The following PDE4D variants were observed in gnomAD, a reference collection of about 807,000 sequenced individuals.
The protein encoded by PDE4D is 3',5'-cyclic-AMP phosphodiesterase 4D.
A neutral mutation model predicts 87.4 loss-of-function variants in PDE4D; 24 were observed. The ratio of observed to expected loss-of-function variants is 0.27; its 90% CI spans 0.20 to 0.39. PDE4D has a LOEUF of 0.39. Ranked by LOEUF, PDE4D falls within the 10% of genes least tolerant of loss-of-function variation. The pLI, the probability that PDE4D is intolerant of heterozygous loss-of-function variation, is 1.00. For synonymous variants in PDE4D, 384 were observed against 383.2 expected (o/e 1.00, Z -0.02); for missense variants, 714 against 1,041.0 (o/e 0.69, Z 4.32).
chr5:60,503,572 A>G (rs949257703), intron 1 of PDE4D, among the ~76,000 whole-genome samples: 2 of 152,162 alleles, frequency 1.3e-5, no homozygotes, highest in Admixed American at 6.6e-5. Context: ...TAGAGGAATC[A>G]AGAATCTATG....
intron 2 of PDE4D, among the ~76,000 whole-genome samples, chr5:60,128,248 G>C (rs1779279022): frequency 6.6e-6 from 1 of 152,194 alleles, no homozygotes; most frequent in African/African-American, 2.4e-5. Flanking sequence ...ACAGACATAT[G>C]TTATAAATAT....
chr5:59,573,613 T>G (rs1341823416), intron 1 of PDE4D, among the ~76,000 whole-genome samples: 1 of 152,148 alleles, frequency 6.6e-6, no homozygotes, highest in African/African-American at 2.4e-5. Flanking sequence ...TCTTCTGTTA[T>G]GCAGAGAAGT....
chr5:60,392,902 A>G (rs941115006), intron 1 of PDE4D, among the ~76,000 whole-genome samples: 1 of 152,250 alleles, frequency 6.6e-6, no homozygotes, highest in African/African-American at 2.4e-5. Context: ...CACAGGGAAG[A>G]TTGTAAACTT....
chr5:59,121,988 A>C (rs553139629), intron 5 of PDE4D, among the ~76,000 whole-genome samples: 20 of 151,964 alleles, frequency 1.3e-4, no homozygotes, highest in Non-Finnish European at 2.5e-4. Flanking sequence ...CTTAAAATAC[A>C]AAAATTAGCC....
intron 1 of PDE4D, among the ~76,000 whole-genome samples, chr5:59,601,686 C>A (rs898256055): frequency 6.6e-6 from 1 of 152,048 alleles, no homozygotes; most frequent in African/African-American, 2.4e-5. Context: ...ATTACTTTAA[C>A]CTTCTTATCA....
intron 1 of PDE4D, among the ~76,000 whole-genome samples, chr5:59,241,689 T>G (rs2153522781): frequency 6.6e-6 from 1 of 152,302 alleles, no homozygotes; most frequent in Admixed American, 6.5e-5. Flanking sequence ...TTATGTAGTT[T>G]AACTAAATTT....
At chr5:59,610,827 T>C (rs1180778078) in intron 1 of PDE4D, among the ~76,000 whole-genome samples, 2 of 152,118 alleles carry the variant, frequency 1.3e-5, no homozygotes, top group Non-Finnish European at 2.9e-5. Flanking sequence ...TAATTAAATG[T>C]GATATTTATA....
At chr5:59,508,747 T>A (rs951181246) in intron 1 of PDE4D, among the ~76,000 whole-genome samples, 3 of 152,034 alleles carry the variant, frequency 2.0e-5, no homozygotes, top group Middle Eastern at 3.4e-3. Context: ...ATATTTAGAA[T>A]AAAGACCAAT....
At chr5:59,432,858 A>AT (rs2153632544) in intron 1 of PDE4D, among the ~76,000 whole-genome samples, 1 of 152,244 alleles carries the variant, frequency 6.6e-6, no homozygotes, top group Admixed American at 6.5e-5. Context: ...ATAGTAAATA[A>AT]TTTTTATTAA....
chr5:59,366,168 T>A (rs145581497), intron 1 of PDE4D, among the ~76,000 whole-genome samples: 2 of 152,114 alleles, frequency 1.3e-5, no homozygotes, highest in African/African-American at 4.8e-5. Context: ...CAGGTGATTA[T>A]CATATTAGGT....
intron 2 of PDE4D, among the ~76,000 whole-genome samples, chr5:60,000,026 C>T (rs760614576): frequency 1.3e-5 from 2 of 150,668 alleles, no homozygotes; most frequent in Non-Finnish European, 3.0e-5. Context: ...AATTATGAAG[C>T]CAGAGATACA....
intron 1 of PDE4D, among the ~76,000 whole-genome samples, chr5:60,291,371 C>G (rs1047160247): frequency 6.6e-6 from 1 of 151,946 alleles, no homozygotes; most frequent in African/African-American, 2.4e-5. Flanking sequence ...TCCACTTGCC[C>G]ATAGGGTTCT....
intron 1 of PDE4D, among the ~76,000 whole-genome samples, chr5:60,496,487 T>C (rs1583936584): frequency 1.3e-5 from 2 of 152,300 alleles, no homozygotes; most frequent in East Asian, 3.9e-4. Context: ...TTTCCCTGCA[T>C]TAAAATAAGT....
At chr5:60,373,432 T>A (rs1761189741) in intron 1 of PDE4D, among the ~76,000 whole-genome samples, 2 of 152,192 alleles carry the variant, frequency 1.3e-5, no homozygotes, top group African/African-American at 4.8e-5. Flanking sequence ...GGTTTTCTAT[T>A]ATGTTTAGTT....
At chr5:59,676,480 A>G (rs1748101298) in intron 1 of PDE4D, among the ~76,000 whole-genome samples, 1 of 152,212 alleles carries the variant, frequency 6.6e-6, no homozygotes, top group Non-Finnish European at 1.5e-5. Flanking sequence ...GATTAAACCA[A>G]AGGGACATAT....
intron 2 of PDE4D, among the ~76,000 whole-genome samples, chr5:60,126,736 C>T (rs923988123): frequency 2.0e-5 from 3 of 152,128 alleles, no homozygotes; most frequent in Admixed American, 2.0e-4. Flanking sequence ...TAGACTCTCT[C>T]TGTGCTAGGT....
Position 59,418,938 on chromosome 5 carries a change from C to G in PDE4D, c.456-202970G>C, listed in dbSNP as rs76492252. 3.4e-3 allele frequency among the ~76,000 whole-genome samples: 511 copies of G among 152,300 alleles called. 2 individuals are homozygous for G. Among genetic ancestry groups the G allele is most frequent in the African/African-American group, 0.012 (487 of 41,566 alleles). On this transcript the variant is annotated intron_variant, in intron 1 of 14. Coordinates refer to ENST00000340635, the MANE Select transcript of PDE4D (RefSeq NM_001104631.2). Reference sequence around the variant, plus strand: ...CTGCTAGGATTATGGGTGTGAGTCACTCACTGCACCTGGCCACATTTAACT... The same window carrying G: ...CTGCTAGGATTATGGGTGTGAGTCAGTCACTGCACCTGGCCACATTTAACT...
intron 2 of PDE4D, among the ~76,000 whole-genome samples, chr5:60,109,592 C>G (rs1777452069): frequency 6.6e-6 from 1 of 151,996 alleles, no homozygotes; most frequent in Non-Finnish European, 1.5e-5. Flanking sequence ...TTCAAAATAG[C>G]AAAGACTTGG....
intron 5 of PDE4D, among the ~76,000 whole-genome samples, chr5:59,056,818 A>G (rs924436277): frequency 2.0e-5 from 3 of 152,200 alleles, no homozygotes; most frequent in African/African-American, 4.8e-5. Flanking sequence ...CATGGTGTAT[A>G]TGTGCCACAT....
Sources: gnomAD v4.1 joint callset for allele counts (sites outside exome capture counted in the v4.1 genomes callset) on GRCh38, gnomAD v4.1.1 for gene constraint, MANE v1.5 for transcripts, NCBI Gene and HGNC (gene_info 2026-07-23, HGNC 2026-07-21) for gene names.